Variants in ZNF469 observed in about 807,000 individuals in gnomAD.
ZNF469 encodes zinc finger protein 469.
Under a neutral mutation model 1.0 loss-of-function variants are expected in ZNF469, and 1 was observed. The ratio of observed to expected loss-of-function variants is 1.00; its 90% confidence interval spans 0.35 to 4.73. ZNF469 has a LOEUF of 4.73. ZNF469 is among the 30% of genes most tolerant of loss of function. The pLI, the probability that ZNF469 is intolerant of heterozygous loss-of-function variation, is 0.16. For synonymous variants in ZNF469, 2,703 were observed against 2,363.4 expected (o/e 1.14, Z -4.17); for missense variants, 6,100 against 5,356.3 (o/e 1.14, Z -4.33).
chr16:88,431,806 T>C lies in ZNF469; in HGVS notation c.4336T>C (p.Ser1446Pro), dbSNP rs1264230545. The change falls in exon 3 of 3, where the codon TCG (serine) becomes CCG (proline). Residue 1446 changes from serine to proline, a missense_variant. Transcript: ENST00000565624. The part of the protein sequence containing the change: ...TAETEPGRAA[S>P]PPTLESSSLF... ...TGAGACGGAGCCAGGCAGGGCTGCA[T>C]CGCCACCGACCTTGGAGTCCTCATC... The C allele has an allele frequency of 3.2e-6, 5 of 1,549,666 alleles. No homozygotes were observed. Among genetic ancestry groups the C allele is most frequent in the Non-Finnish European group, 3.5e-6 (4 of 1,146,922 alleles).
the ZNF469 span, among the ~76,000 whole-genome samples, chr16:88,241,966 G>C: frequency 6.6e-6 from 1 of 152,232 alleles, no homozygotes; most frequent in East Asian, 1.9e-4. This position sits in a 1 kb window ranked among gnomAD's most constrained non-coding sequence, Gnocchi z 4.8. Context: ...TCCCGCTGCT[G>C]TGCAGACAGG....
At chr16:88,250,784 A>C in the ZNF469 span, among the ~76,000 whole-genome samples, 1 of 152,130 alleles carries the variant, frequency 6.6e-6, no homozygotes, top group Non-Finnish European at 1.5e-5. Context: ...TTAAAATCTC[A>C]GTCATGGTAC....
the ZNF469 span, among the ~76,000 whole-genome samples, chr16:88,363,787 C>T: frequency 3.9e-5 from 6 of 152,220 alleles, no homozygotes; most frequent in African/African-American, 1.4e-4. Context: ...GCAGATGCCC[C>T]TCCAACATCA....
At chr16:88,388,636 G>A (rs951516286) in intron 1 of ZNF469, among the ~76,000 whole-genome samples, 1 of 152,278 alleles carries the variant, frequency 6.6e-6, no homozygotes, top group East Asian at 1.9e-4. Context: ...GCCAGAGGGG[G>A]CGTGGGAGCC....
intron 1 of ZNF469, among the ~76,000 whole-genome samples, chr16:88,409,029 G>C (rs1172393551): frequency 6.6e-6 from 1 of 152,224 alleles, no homozygotes; most frequent in Admixed American, 6.5e-5. Flanking sequence ...GCCCTCCCTA[G>C]CTGCAGGGGA....
the ZNF469 span, among the ~76,000 whole-genome samples, chr16:88,259,616 A>G: frequency 6.6e-6 from 1 of 152,140 alleles, no homozygotes; most frequent in African/African-American, 2.4e-5. The surrounding 1 kb of genome is among the most constrained non-coding windows in gnomAD (Gnocchi z 4.1). Context: ...TATGAGCCCC[A>G]GGATCTCCCA....
chr16:88,240,519 T>G, the ZNF469 span, among the ~76,000 whole-genome samples: 1 of 151,674 alleles, frequency 6.6e-6, no homozygotes, highest in Non-Finnish European at 1.5e-5. Flanking sequence ...GTGCAAGAAT[T>G]GAAAAGGGAA....
rs1359930698 is a variant in ZNF469, at chr16:88,434,922, G to C, written c.7452G>C (p.Gly2484=). ...TCTGCGCAGCCTCCTTCCGCTCCGGGCCGGGCCTGAGCCGGCACAAGGCCA... is the reference window on the plus strand; with the variant it reads ...TCTGCGCAGCCTCCTTCCGCTCCGGCCCGGGCCTGAGCCGGCACAAGGCCA... ...CEVCAASFRS[G]PGLSRHKARK... is the part of the protein sequence containing the mutation. Residue 2484 remains glycine, a synonymous_variant, in exon 3 of 3, where the codon GGG becomes GGC. Transcript: ENST00000565624. The C allele has an allele frequency of 7.7e-6, 12 of 1,550,070 alleles. No individual in the cohort carries two copies. Among genetic ancestry groups the C allele is most frequent in the Non-Finnish European group, 1.0e-5 (12 of 1,146,990 alleles).
the ZNF469 span, among the ~76,000 whole-genome samples, chr16:88,238,644 C>G: frequency 6.6e-6 from 1 of 152,210 alleles, no homozygotes; most frequent in Non-Finnish European, 1.5e-5. Context: ...ATGTATATAT[C>G]TGAGAACATT....
the ZNF469 span, among the ~76,000 whole-genome samples, chr16:88,287,672 G>T: frequency 6.6e-6 from 1 of 152,088 alleles, no homozygotes; most frequent in Admixed American, 6.5e-5. Context: ...TCCCTCCCAG[G>T]TCCAGCCCCC....
chr16:88,368,004 C>G, the ZNF469 span, among the ~76,000 whole-genome samples: 4 of 152,226 alleles, frequency 2.6e-5, no homozygotes, highest in Non-Finnish European at 4.4e-5. Context: ...CAACTCCACT[C>G]CAGATGAGTG....
the ZNF469 span, among the ~76,000 whole-genome samples, chr16:88,145,880 G>A: frequency 6.6e-6 from 1 of 152,256 alleles, no homozygotes; most frequent in African/African-American, 2.4e-5. Context: ...GGTGATGAGT[G>A]GTGAGTGTCC....
chr16:88,389,431 C>G lies in ZNF469; in HGVS notation c.-192+6177C>G, dbSNP rs559713438. ...CTCCGTTGGACGCCTGGCTTGCCTCCCCTGTCTGGCTGTTGTGAGTCCAGC... is the reference window on the plus strand; with the variant it reads ...CTCCGTTGGACGCCTGGCTTGCCTCGCCTGTCTGGCTGTTGTGAGTCCAGC... On this transcript the variant is annotated intron_variant, in intron 1 of 2. Transcript: ENST00000565624. 3.9e-5 allele frequency among the ~76,000 whole-genome samples: 6 copies of G among 152,386 alleles called. No individual in the cohort carries two copies. The East Asian group carries it at 9.6e-4, about 24-fold the overall frequency.
the ZNF469 span, among the ~76,000 whole-genome samples, chr16:88,350,325 G>C: frequency 6.6e-6 from 1 of 152,228 alleles, no homozygotes; most frequent in Non-Finnish European, 1.5e-5. Flanking sequence ...GACCTGGATG[G>C]TGCCCACACA....
At chr16:88,119,274 A>G in the ZNF469 span, among the ~76,000 whole-genome samples, 3 of 152,236 alleles carry the variant, frequency 2.0e-5, no homozygotes, top group South Asian at 2.1e-4. Flanking sequence ...CTATTTCATG[A>G]TCTCCTACAG....
At chr16:88,151,266 A>T in the ZNF469 span, among the ~76,000 whole-genome samples, 1,046 of 152,328 alleles carry the variant, frequency 6.9e-3, 6 homozygotes, top group Non-Finnish European at 0.011. The surrounding 1 kb of genome is among the most constrained non-coding windows in gnomAD (Gnocchi z 5.4). Flanking sequence ...GTCAGCCGGG[A>T]CGACCCCAGA....
At chr16:88,327,174 G>C in the ZNF469 span, among the ~76,000 whole-genome samples, 4 of 152,270 alleles carry the variant, frequency 2.6e-5, no homozygotes, top group South Asian at 2.1e-4. Context: ...TCCAGGCCCC[G>C]GGTGGCCGCC....
the ZNF469 span, among the ~76,000 whole-genome samples, chr16:88,206,520 T>C: frequency 6.6e-6 from 1 of 152,064 alleles, no homozygotes; most frequent in East Asian, 1.9e-4. Flanking sequence ...CCACGGACCT[T>C]GTTCAAAGGC....
chr16:88,340,518 G>A, the ZNF469 span, among the ~76,000 whole-genome samples: 14 of 152,224 alleles, frequency 9.2e-5, no homozygotes, highest in African/African-American at 3.4e-4. Flanking sequence ...CATGGGTCAG[G>A]CCCACAAGAA....
Sources: gnomAD v4.1 joint callset for allele counts (sites outside exome capture counted in the v4.1 genomes callset) on GRCh38, gnomAD v4.1.1 for gene constraint, Gnocchi (gnomAD v3.1) non-coding constraint, MANE v1.5 for transcripts, NCBI Gene and HGNC (gene_info 2026-07-23, HGNC 2026-07-21) for gene names.